PCDHB11: variants seen among roughly 807,000 people sequenced by gnomAD.
PCDHB11 encodes protocadherin beta-11.
For synonymous variants in PCDHB11, 522 were observed against 442.0 expected (o/e 1.18, Z -2.27); for missense variants, 1,151 against 1,003.4 (o/e 1.15, Z -1.99).
At position 141,201,760 on chromosome 5, in the gene PCDHB11, G is replaced by A; in HGVS notation, c.1986G>A (p.Leu662=). The A allele has an allele frequency of 1.2e-6, 2 of 1,609,352 alleles. No individual in the cohort carries two copies. The highest frequency in any genetic ancestry group is 1.7e-6 in the Non-Finnish European group (2 of 1,179,752). The change falls in exon 1 of 1, where the codon CTG becomes CTA. Residue 662 remains leucine, a synonymous_variant. Coordinates refer to ENST00000354757, the MANE Select transcript of PCDHB11 (RefSeq NM_018931.3). ...CCACCGCCACGCTGCAAGTGCTCCT[G>A]GTGGACGGCTTCTCCCAGCCCTACC... ...RSATATLQVL[L]VDGFSQPYLP...
Position 141,201,266 on chromosome 5 carries a change from C to G in PCDHB11, c.1492C>G (p.Leu498Val). The change falls in exon 1 of 1, where the codon CTG becomes GTG. Residue 498 changes from leucine to valine, a missense_variant. By Grantham distance (32) the Leu-to-Val change is conservative (BLOSUM62 1). Transcript: ENST00000354757. ...YSLLPPQDLH[L>V]PLASLVSINT... ...GCTACTCCCGCCCCAGGACCTGCAC[C>G]TGCCCCTCGCCTCCCTGGTCTCCAT... The G allele has an allele frequency of 6.2e-7, 1 of 1,613,488 alleles. No individual in the cohort carries two copies. The highest frequency in any genetic ancestry group is 8.5e-7 in the Non-Finnish European group (1 of 1,180,036).
rs782395595 is a variant in PCDHB11 at position 141,200,274 on chromosome 5, T to C, written c.500T>C (p.Val167Ala). The change falls in exon 1 of 1, where the codon GTA becomes GCA. Residue 167 changes from valine (V) to alanine (A), a missense_variant. Val to Ala is a moderately conservative substitution (Grantham distance 64, BLOSUM62 0). Transcript: ENST00000354757. Reference protein sequence around the residue: ...AKDLDVGINAVKSYTISPNSH... With the variant: ...AKDLDVGINAAKSYTISPNSH... ...GATTTAGATGTAGGAATCAATGCTG[T>C]AAAAAGCTACACAATAAGCCCCAAC... 6.2e-7 allele frequency: 1 copy of C among 1,614,184 alleles called. No homozygotes were observed. The highest frequency in any genetic ancestry group is 1.7e-5 in the Admixed American group (1 of 60,020).
rs799834 is a variant in PCDHB11, at chr5:141,201,358, C to G, written c.1584C>G (p.Asp528Glu). 0.44 allele frequency: 705,921 copies of G among 1,608,116 alleles called. 159,277 individuals are homozygous for G. Among genetic ancestry groups the G allele is most frequent in the African/African-American group, 0.71 (53,271 of 74,762 alleles). The change falls in exon 1 of 1, where the codon GAC (aspartate) becomes GAG (glutamate). Residue 528 changes from aspartate (D) to glutamate (E), a missense_variant. Transcript: ENST00000354757. ...ACTACGAGGCCCTGCAGGCTTTCGA[C>G]TTCCGCGTGGGCGCCACAGACCGCG... ...SLDYEALQAF[D>E]FRVGATDRGS...
rs782147949 is a variant in PCDHB11, at chr5:141,200,149, T to A, written c.375T>A (p.Asp125Glu). The A allele has an allele frequency of 4.3e-6, 7 of 1,614,000 alleles. No homozygotes were observed. The Admixed American group carries it at 6.7e-5, about 15-fold the overall frequency. The change falls in exon 1 of 1, where the codon GAT (aspartate) becomes GAA (glutamate). Residue 125 changes from aspartate (D) to glutamate (E), a missense_variant. Coordinates refer to ENST00000354757, the MANE Select transcript of PCDHB11 (RefSeq NM_018931.3). ...TACAAATTGAGCTTCAGGTCAGGGA[T>A]ATAAATGATCACTCTCCCATCTTCT... ...QFLQIELQVR[D>E]INDHSPIFSE...
rs782766820 is a variant in PCDHB11, at chr5:141,201,237, A to G, written c.1463A>G (p.Tyr488Cys). Residue 488 changes from tyrosine (Y) to cysteine (C), a missense_variant, in exon 1 of 1, where the codon TAC (tyrosine) becomes TGC (cysteine). By Grantham distance (194) the Tyr-to-Cys change is radical (BLOSUM62 -2). Coordinates refer to ENST00000354757, the MANE Select transcript of PCDHB11 (RefSeq NM_018931.3). ...RDSGTNAQVNYSLLPPQDLHL... is the reference protein window; with the variant it reads ...RDSGTNAQVNCSLLPPQDLHL... ...TCAGGCACCAACGCCCAGGTCAACT[A>G]CTCGCTACTCCCGCCCCAGGACCTG... is the stretch of plus-strand genomic sequence containing the variant. 2.5e-6 allele frequency: 4 copies of G among 1,613,058 alleles called. No homozygotes were observed. The South Asian group carries it at 4.4e-5, about 18-fold the overall frequency.
chr5:141,201,603 C>T lies in PCDHB11; in HGVS notation c.1829C>T (p.Thr610Met), dbSNP rs782473801. 5 of 1,608,104 alleles carry T rather than the reference C, an allele frequency of 3.1e-6. No individual in the cohort carries two copies. In the East Asian group the frequency reaches 1.1e-4, roughly 36 times the overall value. ...AWLSYQLLKA[T>M]EPGLFGVWAH... ...CTGTCGTACCAGCTGCTCAAGGCCA[C>T]GGAGCCCGGGCTATTCGGCGTGTGG... Residue 610 changes from threonine (T) to methionine (M), a missense_variant, in exon 1 of 1, where the codon ACG becomes ATG. Transcript: ENST00000354757.
chr5:141,200,961 C>G lies in PCDHB11; in HGVS notation c.1187C>G (p.Ser396Ter), dbSNP rs782478078. Residue 396 changes from serine to a stop codon, truncating the protein, a stop_gained, in exon 1 of 1, where the codon TCA becomes TGA. Coordinates refer to ENST00000354757, the MANE Select transcript of PCDHB11 (RefSeq NM_018931.3). LOFTEE classifies it low-confidence loss of function (END_TRUNC). ...GACCTCCCATTCGTGCTAAAATCTTCAGTTGAGAATTACTACACGTTGGAA... is the reference window on the plus strand; with the variant it reads ...GACCTCCCATTCGTGCTAAAATCTTGAGTTGAGAATTACTACACGTTGGAA... ...PEDLPFVLKSSVENYYTLETE... is the reference protein window; with the variant it reads ...PEDLPFVLKS 4.3e-6 allele frequency: 7 copies of G among 1,614,210 alleles called. No individual in the cohort carries two copies. In the Admixed American group the frequency reaches 1.2e-4, roughly 27 times the overall value.
rs1440178114 is a variant in PCDHB11 at position 141,199,998 on chromosome 5, T to G, written c.224T>G (p.Leu75Trp). Residue 75 changes from leucine (L) to tryptophan (W), a missense_variant, in exon 1 of 1, where the codon TTG becomes TGG. Coordinates refer to ENST00000354757, the MANE Select transcript of PCDHB11 (RefSeq NM_018931.3). ...GTCTCTAATGATAAGAAACAGCGTTTGCAGCTGGACATAAACACTGGGGAT... is the reference window on the plus strand; with the variant it reads ...GTCTCTAATGATAAGAAACAGCGTTGGCAGCTGGACATAAACACTGGGGAT... ...RVVSNDKKQR[L>W]QLDINTGDLL... 7 of 1,614,036 alleles carry G rather than the reference T, an allele frequency of 4.3e-6. No individual in the cohort carries two copies. Among genetic ancestry groups the G allele is most frequent in the Non-Finnish European group, 5.1e-6 (6 of 1,180,044 alleles).
Position 141,199,716 on chromosome 5 carries a change from T to A in PCDHB11, c.-59T>A, listed in dbSNP as rs563757389. The A allele has an allele frequency of 1.2e-5, 17 of 1,477,028 alleles. No individual in the cohort carries two copies. The highest frequency in any genetic ancestry group is 1.6e-5 in the Non-Finnish European group (17 of 1,078,520). 91.5% of individuals were successfully genotyped at this position (1,477,028 alleles called of 1,614,324 possible). On this transcript the variant is annotated 5_prime_UTR_variant, in exon 1 of 1. Coordinates refer to ENST00000354757, the MANE Select transcript of PCDHB11 (RefSeq NM_018931.3). Reference sequence around the variant, plus strand: ...GACCACAGAGGATTTGGTGGACAAGTCAGAGACGCGTTCCGCAGAGCTGAA... The same window carrying A: ...GACCACAGAGGATTTGGTGGACAAGACAGAGACGCGTTCCGCAGAGCTGAA...
rs781917963 is a variant in PCDHB11, at chr5:141,200,927, A to C, written c.1153A>C (p.Ile385Leu). 1.9e-5 allele frequency: 31 copies of C among 1,614,114 alleles called. No homozygotes were observed. The highest frequency in any genetic ancestry group is 2.6e-5 in the Non-Finnish European group (31 of 1,180,038). Reference protein sequence around the residue: ...SGDNGRIVCSIPEDLPFVLKS... With the variant: ...SGDNGRIVCSLPEDLPFVLKS... ...GGACAACGGAAGAATTGTTTGTTCC[A>C]TTCCGGAAGACCTCCCATTCGTGCT... Residue 385 changes from isoleucine (I) to leucine (L), a missense_variant, in exon 1 of 1, where the codon ATT becomes CTT. Coordinates refer to ENST00000354757, the MANE Select transcript of PCDHB11 (RefSeq NM_018931.3).
rs782099495 is a variant in PCDHB11, at chr5:141,201,003, A to T, written c.1229A>T (p.Asp410Val). 1.2e-6 allele frequency: 2 copies of T among 1,614,218 alleles called. No individual in the cohort carries two copies. Among genetic ancestry groups the T allele is most frequent in the Admixed American group, 3.3e-5 (2 of 60,020 alleles). Residue 410 changes from aspartate (D) to valine (V), a missense_variant, in exon 1 of 1, where the codon GAC becomes GTC. Transcript: ENST00000354757. ...ACGTTGGAAACAGAGAGACCACTGG[A>T]CAGAGAGAGCACAGCCGAGTACAAT... ...YYTLETERPLDRESTAEYNIT... is the reference protein window; with the variant it reads ...YYTLETERPLVRESTAEYNIT...
Position 141,203,752 on chromosome 5 carries a change from C to A in PCDHB11, c.*1584C>A, listed in dbSNP as rs569625651. 1.2e-4 allele frequency: 18 copies of A among 151,970 alleles called. No homozygotes were observed. The highest frequency in any genetic ancestry group is 2.9e-4 in the African/African-American group (12 of 41,430). 9.4% of individuals were successfully genotyped at this position (151,970 alleles called of 1,614,324 possible). A position where few individuals can be genotyped will look rare whatever the true frequency, so the allele number is the denominator to read the frequency against. ...AATCCAAACAAAATGTAATAAACTG[C>A]ATGAAAATAAATAGGAATATTAAAA... On this transcript the variant is annotated 3_prime_UTR_variant, in exon 1 of 1. Transcript: ENST00000354757.
chr5:141,200,053 G>A lies in PCDHB11; in HGVS notation c.279G>A (p.Glu93=), dbSNP rs1554285201. 12 of 1,614,168 alleles carry A rather than the reference G, an allele frequency of 7.4e-6. No individual in the cohort carries two copies. Among genetic ancestry groups the A allele is most frequent in the Non-Finnish European group, 1.0e-5 (12 of 1,180,046 alleles). Residue 93 remains glutamate, a synonymous_variant, in exon 1 of 1, where the codon GAG becomes GAA. Coordinates refer to ENST00000354757, the MANE Select transcript of PCDHB11 (RefSeq NM_018931.3). ...DLLLSETLDR[E]ELCGSIEPCV... ...TCTTAAGTGAAACACTAGACAGGGA[G>A]GAGCTCTGCGGTTCCATCGAGCCTT... is the stretch of plus-strand genomic sequence containing the variant.
At position 141,200,100 on chromosome 5, in the gene PCDHB11, T is replaced by A; in HGVS notation, c.326T>A (p.Leu109Ter). 3.1e-6 allele frequency: 5 copies of A among 1,614,190 alleles called. No individual in the cohort carries two copies. The highest frequency in any genetic ancestry group is 4.2e-6 in the Non-Finnish European group (5 of 1,180,046). Residue 109 changes from leucine (L) to a stop codon, truncating the protein, a stop_gained, in exon 1 of 1, where the codon TTA (leucine) becomes TAA (stop). Coordinates refer to ENST00000354757, the MANE Select transcript of PCDHB11 (RefSeq NM_018931.3). LOFTEE classifies it low-confidence loss of function (END_TRUNC). ...CCTTGCGTGCTACATTTGCAGGTGT[T>A]AATGCAAAACCCCACGCAGTTTTTA... ...IEPCVLHLQVLMQNPTQFLQI... is the reference protein window; with the variant it reads ...IEPCVLHLQV
Position 141,200,589 on chromosome 5 carries a change from G to A in PCDHB11, c.815G>A (p.Gly272Glu), listed in dbSNP as rs782474616. 1 of 1,614,166 alleles carries A rather than the reference G, an allele frequency of 6.2e-7. No homozygotes were observed. The highest frequency in any genetic ancestry group is 1.3e-5 in the African/African-American group (1 of 75,010). ...GTCTCAGCTTGGGATTTAGACTCTG[G>A]AACAAATGGTGAAATATGCTATACC... ...LIVSAWDLDSGTNGEICYTFS... is the reference protein window; with the variant it reads ...LIVSAWDLDSETNGEICYTFS... The change falls in exon 1 of 1, where the codon GGA becomes GAA. Residue 272 changes from glycine to glutamate, a missense_variant. Physicochemically the swap from Gly to Glu is moderately conservative, Grantham distance 98. Coordinates refer to ENST00000354757, the MANE Select transcript of PCDHB11 (RefSeq NM_018931.3).
Position 141,200,546 on chromosome 5 carries a change from G to A in PCDHB11, c.772G>A (p.Gly258Ser). The change falls in exon 1 of 1, where the codon GGC (glycine) becomes AGC (serine). Residue 258 changes from glycine to serine, a missense_variant. Transcript: ENST00000354757. ...EVKIRENSILGSLILIVSAWD... is the reference protein window; with the variant it reads ...EVKIRENSILSSLILIVSAWD... ...GAAGATTCGGGAGAATAGCATCCTT[G>A]GCTCGCTGATTTTGATTGTCTCAGC... 1 of 1,614,128 alleles carries A rather than the reference G, an allele frequency of 6.2e-7. No individual in the cohort carries two copies. Among genetic ancestry groups the A allele is most frequent in the Non-Finnish European group, 8.5e-7 (1 of 1,180,024 alleles).
rs1754148097 is a variant in PCDHB11 at position 141,200,498 on chromosome 5, T to C, written c.724T>C (p.Phe242Leu). ...VVDINDNSPEFEQAFYEVKIR... is the reference protein window; with the variant it reads ...VVDINDNSPELEQAFYEVKIR... ...GGACATTAATGACAACTCCCCTGAA[T>C]TTGAGCAGGCTTTTTATGAGGTGAA... The change falls in exon 1 of 1, where the codon TTT becomes CTT. Residue 242 changes from phenylalanine to leucine, a missense_variant. Transcript: ENST00000354757. The C allele has an allele frequency of 6.2e-7, 1 of 1,614,036 alleles. No homozygotes were observed. Among genetic ancestry groups the C allele is most frequent in the South Asian group, 1.1e-5 (1 of 91,084 alleles).
rs150331387 is a variant in PCDHB11 at position 141,200,797 on chromosome 5, T to G, written c.1023T>G (p.Asn341Lys). 248 of 1,614,068 alleles carry G rather than the reference T, an allele frequency of 1.5e-4. No individual in the cohort carries two copies. The highest frequency in any genetic ancestry group is 2.1e-4 in the Non-Finnish European group (247 of 1,180,032). The change falls in exon 1 of 1, where the codon AAT becomes AAG. Residue 341 changes from asparagine (N) to lysine (K), a missense_variant. Asn to Lys is a moderately conservative substitution (Grantham distance 94). Transcript: ENST00000354757. ...STVIIHVIDV[N>K]DNAPEITVSS... ...TCATAATTCACGTGATAGATGTAAA[T>G]GACAATGCTCCTGAAATCACTGTGT...
chr5:141,201,255 A>G lies in PCDHB11; in HGVS notation c.1481A>G (p.Gln494Arg). The change falls in exon 1 of 1, where the codon CAG becomes CGG. Residue 494 changes from glutamine (Q) to arginine (R), a missense_variant. By Grantham distance (43) the Gln-to-Arg change is conservative. Transcript: ENST00000354757. Reference protein sequence around the residue: ...AQVNYSLLPPQDLHLPLASLV... With the variant: ...AQVNYSLLPPRDLHLPLASLV... Reference sequence around the variant, plus strand: ...GTCAACTACTCGCTACTCCCGCCCCAGGACCTGCACCTGCCCCTCGCCTCC... The same window carrying G: ...GTCAACTACTCGCTACTCCCGCCCCGGGACCTGCACCTGCCCCTCGCCTCC... The G allele has an allele frequency of 6.2e-7, 1 of 1,613,380 alleles. No individual in the cohort carries two copies.
Sources: allele counts gnomAD v4.1 joint callset, GRCh38; gene constraint gnomAD v4.1.1; transcripts MANE v1.5; gene names NCBI Gene and HGNC (gene_info 2026-07-23, HGNC 2026-07-21).